MCOLN1: variants seen among roughly 807,000 people sequenced by gnomAD.
The protein encoded by MCOLN1 is mucolipin-1.
Under a neutral mutation model 70.3 loss-of-function variants are expected in MCOLN1, and 50 were observed. The observed-to-expected ratio is 0.71, with a 90% CI of 0.57 to 0.90. The LOEUF is 0.90. MCOLN1 is among the 40% of genes least tolerant of loss of function. MCOLN1 has a pLI of 0.00. For synonymous variants in MCOLN1, 366 were observed against 341.0 expected, an observed-to-expected ratio of 1.07 and a Z score of -0.81; for missense variants, 598 against 803.5, an observed-to-expected ratio of 0.74 and a Z score of 3.09.
rs1057517453 is a variant in MCOLN1 at position 7,527,862 on chromosome 19, A to G, written c.681-2A>G. The G allele has an allele frequency of 2.5e-6, 4 of 1,612,692 alleles. No individual in the cohort carries two copies. The highest frequency in any genetic ancestry group is 3.4e-6 in the Non-Finnish European group (4 of 1,178,684). ...TGACCCTCACCCGAGCCTCCTGCCT[A>G]GGCTGGTCAATGTCACCATCCACTT... On this transcript the variant is annotated splice_acceptor_variant, in intron 5 of 13. Transcript: ENST00000264079. LOFTEE classifies it high-confidence loss of function.
At chr19:7,527,370 A>G (rs2022587106) in intron 4 of MCOLN1, 150 bp from the exon 5 acceptor site, 1 of 685,668 alleles carries the variant, frequency 1.5e-6, no homozygotes, top group South Asian at 1.7e-5. Flanking sequence ...TGGCTCATTC[A>G]GTAAAACATC....
At chr19:7,529,505 C>CCCCCCCCCCCCCCCCCCCCCGGGG in intron 10 of MCOLN1, 85 bp from the exon 11 acceptor site, 1 of 755,744 alleles carries the variant, frequency 1.3e-6, no homozygotes, top group Non-Finnish European at 2.3e-6. Flanking sequence ...GGCAAGGCCC[C>CCCCCCCCCCCCCCCCCCCCCGGGG]GCCCCTCCCA....
At chr19:7,527,998 C>T (rs1400958136) in intron 6 of MCOLN1, 38 bp downstream of exon 6, 1 of 1,583,198 alleles carries the variant, frequency 6.3e-7, no homozygotes, top group Non-Finnish European at 8.7e-7. Flanking sequence ...TCCTGAGTTC[C>T]AGGGCAGGGA....
rs1439656162 is a variant in MCOLN1, at chr19:7,529,679, T to C, written c.1326T>C (p.Cys442=). ...VAVIYLGYCF[C]GWIVLGPYHV... is the part of the protein sequence containing the mutation. ...TCATCTACCTGGGCTACTGCTTCTG[T>C]GGCTGGATCGTGCTGGGGCCCTATC... Residue 442 remains cysteine, a synonymous_variant, in exon 11 of 14, where the codon TGT becomes TGC. Coordinates refer to ENST00000264079, the MANE Select transcript of MCOLN1 (RefSeq NM_020533.3). 7 of 1,614,204 alleles carry C rather than the reference T, an allele frequency of 4.3e-6. No homozygotes were observed. Among genetic ancestry groups the C allele is most frequent in the Non-Finnish European group, 5.9e-6 (7 of 1,180,008 alleles).
rs1295346339 is a variant in MCOLN1, at chr19:7,529,724, C to T, written c.1359+12C>T. 6.2e-7 allele frequency: 1 copy of T among 1,613,712 alleles called. No individual in the cohort carries two copies. The highest frequency in any genetic ancestry group is 1.3e-5 in the African/African-American group (1 of 74,918). On this transcript the variant is annotated intron_variant, in intron 11 of 13. Transcript: ENST00000264079. ...CCTATCATGTGAAGGTACATCTAAC[C>T]CCTGATGTCCCTGACATTGACCCTG...
rs2022513442 is a variant in MCOLN1 at position 7,522,793 on chromosome 19, G to GGCGGCACCGTGGGGCCCCGA, written c.31+13_31+32dup. On this transcript the variant is annotated intron_variant, in intron 1 of 13. Coordinates refer to ENST00000264079, the MANE Select transcript of MCOLN1 (RefSeq NM_020533.3). ...TCCGCGCGGCTCAGGTGAGGGCGCG[G>GGCGGCACCGTGGGGCCCCGA]GCGGCACCGTGGGGCCCCGAACTCA... The GGCGGCACCGTGGGGCCCCGA allele has an allele frequency of 3.7e-6, 5 of 1,334,754 alleles. No individual in the cohort carries two copies. Among genetic ancestry groups the GGCGGCACCGTGGGGCCCCGA allele is most frequent in the Non-Finnish European group, 4.8e-6 (5 of 1,047,982 alleles). The allele number at this position is 1,334,754 out of a possible 1,614,324, so 82.7% of individuals were successfully genotyped here.
Position 7,524,346 on chromosome 19 carries a change from T to C in MCOLN1, c.32-615T>C, listed in dbSNP as rs187557047. On this transcript the variant is annotated intron_variant, in intron 1 of 13. Transcript: ENST00000264079. This position sits in a 1 kb window ranked among gnomAD's most constrained non-coding sequence, Gnocchi z 4.1. ...CCATTATTATTACTTATGTTGTCAA[T>C]TACCTCTTCTCCAGGTCCTTGGCTT... 6.6e-6 allele frequency among the ~76,000 whole-genome samples: 1 copy of C among 152,342 alleles called. No individual in the cohort carries two copies. Among genetic ancestry groups the C allele is most frequent in the African/African-American group, 2.4e-5 (1 of 41,580 alleles).
rs989459643 is a variant in MCOLN1, at chr19:7,528,553, G to T, written c.878-44G>T. The T allele has an allele frequency of 6.2e-6, 10 of 1,612,282 alleles. No individual in the cohort carries two copies. The African/African-American group carries it at 9.4e-5, about 15-fold the overall frequency. On this transcript the variant is annotated intron_variant, in intron 7 of 13. Transcript: ENST00000264079. This position sits in a 1 kb window ranked among gnomAD's most constrained non-coding sequence, Gnocchi z 4.2. ...CTGGCACCAATGCTAGCCTCCCAAG[G>T]CTCCATGCCATCCTTGGCCCTACCC...
In MCOLN1 at chr19:7,522,655, C is replaced by T. The variant is rs2022509867; in HGVS notation, c.-96C>T. On this transcript the variant is annotated 5_prime_UTR_variant, in exon 1 of 14. Coordinates refer to ENST00000264079, the MANE Select transcript of MCOLN1 (RefSeq NM_020533.3). ...CAGCTGATGCCGGAGGGTTTGAAGC[C>T]GCGCCGCGAGGGAGCGAGGTCGCAG... 2 of 1,322,358 alleles carry T rather than the reference C, an allele frequency of 1.5e-6. No homozygotes were observed. Among genetic ancestry groups the T allele is most frequent in the Non-Finnish European group, 2.0e-6 (2 of 1,002,020 alleles). 81.9% of individuals were successfully genotyped at this position (1,322,358 alleles called of 1,614,324 possible).
At chr19:7,532,909 C>T (rs897751772) in intron 12 of MCOLN1, among the ~76,000 whole-genome samples, 1 of 152,012 alleles carries the variant, frequency 6.6e-6, no homozygotes, top group Non-Finnish European at 1.5e-5. Context: ...GGCAGTGCAC[C>T]GAGGGGAAGG....
chr19:7,528,547 C>G lies in MCOLN1; in HGVS notation c.878-50C>G. ...CCTGGCCTGGCACCAATGCTAGCCT[C>G]CCAAGGCTCCATGCCATCCTTGGCC... is the stretch of plus-strand genomic sequence containing the variant. On this transcript the variant is annotated intron_variant, in intron 7 of 13. Coordinates refer to ENST00000264079, the MANE Select transcript of MCOLN1 (RefSeq NM_020533.3). The surrounding 1 kb of genome is among the most constrained non-coding windows in gnomAD (Gnocchi z 4.2). The G allele has an allele frequency of 1.9e-6, 3 of 1,611,228 alleles. No homozygotes were observed. The highest frequency in any genetic ancestry group is 2.5e-6 in the Non-Finnish European group (3 of 1,178,874).
chr19:7,527,201 G>A, intron 4 of MCOLN1: 1 of 573,178 alleles, frequency 1.7e-6, no homozygotes. Context: ...GAGTCCGGGA[G>A]GTTGAGGCTG....
At chr19:7,531,478 G>T (rs1299966629) in intron 12 of MCOLN1, among the ~76,000 whole-genome samples, 1 of 152,032 alleles carries the variant, frequency 6.6e-6, no homozygotes, top group Non-Finnish European at 1.5e-5. Flanking sequence ...TGGGATTTCA[G>T]GCATGAGCCA....
chr19:7,527,288 A>C (rs534717055), intron 4 of MCOLN1: 37 of 550,508 alleles, frequency 6.7e-5, no homozygotes, highest in Middle Eastern at 5.1e-4. Context: ...AAAAAAAAAA[A>C]AAAAAAACAA....
rs781647246 is a variant in MCOLN1 at position 7,533,811 on chromosome 19, G to A, written c.*16G>A. On this transcript the variant is annotated 3_prime_UTR_variant, in exon 14 of 14. Coordinates refer to ENST00000264079, the MANE Select transcript of MCOLN1 (RefSeq NM_020533.3). ...GGTGAATTGATTCGACCTGACTGCC[G>A]TTGGACCGTAGGCCCTGGACTGCAG... 1 of 1,614,108 alleles carries A rather than the reference G, an allele frequency of 6.2e-7. No individual in the cohort carries two copies. Among genetic ancestry groups the A allele is most frequent in the East Asian group, 2.2e-5 (1 of 44,874 alleles).
chr19:7,529,522 T>G, intron 10 of MCOLN1, 68 bp from the exon 11 acceptor site: 20 of 484,048 alleles, frequency 4.1e-5, no homozygotes, highest in East Asian at 1.2e-4. Flanking sequence ...CCCACCCCCA[T>G]CTGGGTGCCC....
In MCOLN1 at chr19:7,526,415, C is replaced by G; in HGVS notation, c.238-24C>G. On this transcript the variant is annotated intron_variant, in intron 2 of 13. Transcript: ENST00000264079. The surrounding 1 kb of genome is among the most constrained non-coding windows in gnomAD (Gnocchi z 4.6). Reference sequence around the variant, plus strand: ...ACCCCAACCCCCATCCTAGCCATGCCAACCTCTACTACCCTCTCCCCAGCT... The same window carrying G: ...ACCCCAACCCCCATCCTAGCCATGCGAACCTCTACTACCCTCTCCCCAGCT... 1 of 1,614,196 alleles carries G rather than the reference C, an allele frequency of 6.2e-7. No individual in the cohort carries two copies.
intron 10 of MCOLN1, 141 bp downstream of exon 10, chr19:7,529,343 T>A: frequency 2.2e-6 from 2 of 926,660 alleles, no homozygotes; most frequent in Non-Finnish European, 3.4e-6. Context: ...ACCAGATATA[T>A]CTGTCACTGC....
chr19:7,528,748 C>G lies in MCOLN1; in HGVS notation c.984+45C>G, dbSNP rs2022610114. ...TGTGCTGGTGTCCTCCCCGCCTGGCCCTGGGGCGATAAAAGCCAGGGCTTT... is the reference window on the plus strand; with the variant it reads ...TGTGCTGGTGTCCTCCCCGCCTGGCGCTGGGGCGATAAAAGCCAGGGCTTT... On this transcript the variant is annotated intron_variant, in intron 8 of 13. Coordinates refer to ENST00000264079, the MANE Select transcript of MCOLN1 (RefSeq NM_020533.3). This position sits in a 1 kb window ranked among gnomAD's most constrained non-coding sequence, Gnocchi z 4.2. The G allele has an allele frequency of 1.9e-6, 3 of 1,614,180 alleles. No homozygotes were observed. Among genetic ancestry groups the G allele is most frequent in the Non-Finnish European group, 2.5e-6 (3 of 1,180,014 alleles).
Sources: allele counts gnomAD v4.1 joint callset (sites outside exome capture counted in the v4.1 genomes callset), GRCh38; gene constraint gnomAD v4.1.1; non-coding constraint Gnocchi (gnomAD v3.1); transcripts MANE v1.5; gene names NCBI Gene and HGNC (gene_info 2026-07-23, HGNC 2026-07-21).